Variants in DMPK observed in about 807,000 individuals in gnomAD.
The protein encoded by DMPK is DM1 protein kinase.
DMPK carries 32 observed loss-of-function variants against 70.3 expected under a neutral mutation model. That is an observed-to-expected ratio of 0.46 (90% CI 0.34 to 0.61). The LOEUF (loss-of-function observed/expected upper bound fraction) is 0.61, where lower values mean the gene tolerates loss of function less well. Ranked by LOEUF, DMPK falls within the 20% of genes least tolerant of loss-of-function variation. The pLI is 0.01. For missense variants in DMPK, 899 were observed against 886.0 expected (o/e 1.01, Z -0.19); for synonymous variants, 469 against 390.9 (o/e 1.20, Z -2.36).
Position 45,777,407 on chromosome 19 carries a change from G to C in DMPK, c.1066C>G (p.Pro356Ala). ...GLRDSVPPFT[P>A]DFEGATDTCN... ...GTGTCGGTGGCACCTTCGAAATCCG[G>C]TGTAAAGGGGGGCACGCTGTCCCGG... The change falls in exon 8 of 15, where the codon CCG becomes GCG. Residue 356 changes from proline (P) to alanine (A), a missense_variant. By Grantham distance (27) the Pro-to-Ala change is conservative. Coordinates refer to ENST00000291270, the MANE Select transcript of DMPK (RefSeq NM_004409.5). This position sits in a 1 kb window ranked among gnomAD's most constrained non-coding sequence, Gnocchi z 6.7. 1 of 1,613,082 alleles carries C rather than the reference G, an allele frequency of 6.2e-7. No homozygotes were observed. Among genetic ancestry groups the C allele is most frequent in the Middle Eastern group, 1.7e-4 (1 of 6,060 alleles).
chr19:45,772,562 C>T (rs1969526733), intron 10 of DMPK, 79 bp downstream of exon 10: 3 of 878,518 alleles, frequency 3.4e-6, no homozygotes, highest in African/African-American at 3.6e-5. Context: ...GAGGGCTCTA[C>T]AGTGCACGCC....
At chr19:45,780,006 G>A (rs746289800) in intron 1 of DMPK, 137 bp from the exon 2 acceptor site, 17 of 1,555,496 alleles carry the variant, frequency 1.1e-5, no homozygotes, top group Admixed American at 2.0e-5. Flanking sequence ...CTTCCCAGGG[G>A]CTTCCCCACA....
intron 2 of DMPK, 97 bp downstream of exon 2, chr19:45,779,681 C>T: frequency 6.5e-7 from 1 of 1,536,638 alleles, no homozygotes; most frequent in South Asian, 1.3e-5. Flanking sequence ...GCCCTAGGTT[C>T]TAAGGCTCGG....
At chr19:45,773,166 C>T (rs1476476260) in intron 9 of DMPK, among the ~76,000 whole-genome samples, 3 of 152,184 alleles carry the variant, frequency 2.0e-5, no homozygotes, top group Non-Finnish European at 2.9e-5. Context: ...GGGCATGGGA[C>T]CCCAAGATGG....
chr19:45,777,240 C>G lies in DMPK; in HGVS notation c.1146+87G>C. Reference sequence around the variant, plus strand: ...TCTGGGGAATGAGTGATTCAGGACCCCAGAAGGTAGGCACTGTCCTTACTC... The same window carrying G: ...TCTGGGGAATGAGTGATTCAGGACCGCAGAAGGTAGGCACTGTCCTTACTC... On this transcript the variant is annotated intron_variant, in intron 8 of 14. Transcript: ENST00000291270. This position sits in a 1 kb window ranked among gnomAD's most constrained non-coding sequence, Gnocchi z 6.7. 6.9e-7 allele frequency: 1 copy of G among 1,447,844 alleles called. No homozygotes were observed. The allele number at this position is 1,447,844 out of a possible 1,614,324, so 89.7% of individuals were successfully genotyped here. A position where few individuals can be genotyped will look rare whatever the true frequency, so the allele number is the denominator to read the frequency against.
rs1969694278 is a variant in DMPK at position 45,774,963 on chromosome 19, G to A, written c.1218C>T (p.Ser406=). 3.1e-6 allele frequency: 5 copies of A among 1,613,922 alleles called. No homozygotes were observed. Among genetic ancestry groups the A allele is most frequent in the Non-Finnish European group, 4.2e-6 (5 of 1,179,940 alleles). Residue 406 remains serine (S), a synonymous_variant, in exon 9 of 15, where the codon TCC becomes TCT. Coordinates refer to ENST00000291270, the MANE Select transcript of DMPK (RefSeq NM_004409.5). ...GCAGTGCTTACCTGAGGGCCATGCA[G>A]GAGTAGGAGTAGCCCACAAAAGGCA... is the stretch of plus-strand genomic sequence containing the variant. The part of the protein sequence containing the change: ...VHLPFVGYSY[S]CMALRDSEVP...
In DMPK at chr19:45,782,343, C is replaced by T. The variant is rs772259297; in HGVS notation, c.10G>A (p.Glu4Lys). The change falls in exon 1 of 15, where the codon GAG becomes AAG. Residue 4 changes from glutamate (E) to lysine (K), a missense_variant. This residue lies in a region of DMPK where 149 missense variants were observed against 142.5 expected (regional missense o/e 1.05). Coordinates refer to ENST00000291270, the MANE Select transcript of DMPK (RefSeq NM_004409.5). Reference sequence around the variant, plus strand: ...TGCTGGAGCCGCCTCAGCCGCACCTCGGCTGACATGTTGGACAGGCAGCAC... The same window carrying T: ...TGCTGGAGCCGCCTCAGCCGCACCTTGGCTGACATGTTGGACAGGCAGCAC... MSA[E>K]VRLRRLQQLV... 5.1e-6 allele frequency: 8 copies of T among 1,574,374 alleles called. No individual in the cohort carries two copies. The highest frequency in any genetic ancestry group is 2.3e-5 in the South Asian group (2 of 86,528).
rs774774759 is a variant in DMPK, at chr19:45,777,701, G to A, written c.848C>T (p.Thr283Met). ...YGQTPFYADS[T>M]AETYGKIVHY... is the part of the protein sequence containing the mutation. The stretch of plus-strand genomic sequence containing the variant: ...GACGATCTTGCCATAGGTCTCCGCC[G>A]TGGAATCCGCGTAGAAGGGCGTCTG... The change falls in exon 7 of 15, where the codon ACG becomes ATG. Residue 283 changes from threonine (T) to methionine (M), a missense_variant. Coordinates refer to ENST00000291270, the MANE Select transcript of DMPK (RefSeq NM_004409.5). The surrounding 1 kb of genome is among the most constrained non-coding windows in gnomAD (Gnocchi z 6.7). The A allele has an allele frequency of 2.5e-5, 40 of 1,613,904 alleles. No individual in the cohort carries two copies. Among genetic ancestry groups the A allele is most frequent in the South Asian group, 1.5e-4 (14 of 91,092 alleles).
At position 45,771,603 on chromosome 19, in the gene DMPK, TC is replaced by T; in HGVS notation, c.1564del (p.Glu522SerfsTer29). ...CTCTGCCTGCAGCAACTCCATCCGC[TC>T]CTGCAACTGCCGGACGTGTGCCTCT... ...DLEAHVRQLQ[E>X]RMELLQAEGA... On this transcript the variant is annotated frameshift_variant, in exon 12 of 15. Transcript: ENST00000291270. LOFTEE classifies it high-confidence loss of function. 1 of 1,613,962 alleles carries T rather than the reference TC, an allele frequency of 6.2e-7. No homozygotes were observed. Among genetic ancestry groups the T allele is most frequent in the Non-Finnish European group, 8.5e-7 (1 of 1,179,934 alleles).
At position 45,770,723 on chromosome 19, in the gene DMPK, G is replaced by A. The variant is rs990626724; in HGVS notation, c.1738-83C>T. ...TCGCCCCGCCTACGCCCATAGGTGG[G>A]CCCGCACTCTTCCCTGCGCCCCGCC... On this transcript the variant is annotated intron_variant, in intron 14 of 14. Coordinates refer to ENST00000291270, the MANE Select transcript of DMPK (RefSeq NM_004409.5). The A allele has an allele frequency of 4.2e-6, 6 of 1,445,446 alleles. No individual in the cohort carries two copies. In the African/African-American group the frequency reaches 7.1e-5, roughly 17 times the overall value. The allele number at this position is 1,445,446 out of a possible 1,614,324, so 89.5% of individuals were successfully genotyped here.
Position 45,771,792 on chromosome 19 carries a change from G to T in DMPK, c.1481C>A (p.Thr494Lys). 1 of 1,569,394 alleles carries T rather than the reference G, an allele frequency of 6.4e-7. No individual in the cohort carries two copies. The highest frequency in any genetic ancestry group is 8.6e-7 in the Non-Finnish European group (1 of 1,157,130). Reference sequence around the variant, plus strand: ...CGACCTGGCGAAGTTCTGGTTGTCCGTGCGGATGGCCTCCATCTCCCGGCT... The same window carrying T: ...CGACCTGGCGAAGTTCTGGTTGTCCTTGCGGATGGCCTCCATCTCCCGGCT... ...SLSREMEAIR[T>K]DNQNFASQLR... The change falls in exon 11 of 15, where the codon ACG becomes AAG. Residue 494 changes from threonine (T) to lysine (K), a missense_variant. Thr to Lys is a moderately conservative substitution (Grantham distance 78). This residue lies in a region of DMPK where 555 missense variants were observed against 483.8 expected (regional missense o/e 1.15). Coordinates refer to ENST00000291270, the MANE Select transcript of DMPK (RefSeq NM_004409.5).
At position 45,771,401 on chromosome 19, in the gene DMPK, AAGG is replaced by A. The variant is rs1272062673; in HGVS notation, c.1601-8_1601-6del. 8.7e-6 allele frequency: 14 copies of A among 1,607,602 alleles called. No individual in the cohort carries two copies. Among genetic ancestry groups the A allele is most frequent in the African/African-American group, 6.7e-5 (5 of 74,308 alleles). ...GACTGGGGACCCCCGTGACAGCTGG[AAGG>A]AGAAGAAAGAGGCATAGGGCGCGTG... On this transcript the variant is annotated splice_polypyrimidine_tract_variant and splice_region_variant and intron_variant, in intron 12 of 14. Coordinates refer to ENST00000291270, the MANE Select transcript of DMPK (RefSeq NM_004409.5).
chr19:45,782,117 C>A, intron 1 of DMPK, 76 bp downstream of exon 1: 1 of 582,496 alleles, frequency 1.7e-6, no homozygotes, highest in South Asian at 3.1e-5. Context: ...CCCCCAACAG[C>A]CAGGCCTCTG....
chr19:45,771,494 C>T, intron 12 of DMPK, 74 bp downstream of exon 12: 1 of 1,610,680 alleles, frequency 6.2e-7, no homozygotes, highest in South Asian at 1.1e-5. Flanking sequence ...CTCCAGGTGT[C>T]TATACACGCC....
Position 45,770,246 on chromosome 19 carries a change from G to T in DMPK, c.*242C>A, listed in dbSNP as rs1600407313. 1 of 331,466 alleles carries T rather than the reference G, an allele frequency of 3.0e-6. No individual in the cohort carries two copies. Among genetic ancestry groups the T allele is most frequent in the Non-Finnish European group, 4.4e-6 (1 of 229,294 alleles). 20.5% of individuals were successfully genotyped at this position (331,466 alleles called of 1,614,324 possible). A position where few individuals can be genotyped will look rare whatever the true frequency, so the allele number is the denominator to read the frequency against. Reference sequence around the variant, plus strand: ...AGCAGCAGCAGCAGCAGCAGCAGCAGCAGCAGCAGCAGCAGCAGCATTCCC... The same window carrying T: ...AGCAGCAGCAGCAGCAGCAGCAGCATCAGCAGCAGCAGCAGCAGCATTCCC... On this transcript the variant is annotated 3_prime_UTR_variant, in exon 15 of 15. Transcript: ENST00000291270.
At chr19:45,770,799 C>A (rs1309977430) in intron 14 of DMPK, 159 bp from the exon 15 acceptor site, 32 of 1,006,428 alleles carry the variant, frequency 3.2e-5, no homozygotes, top group Non-Finnish European at 4.6e-5. Context: ...CGCCTCGAAT[C>A]CCGTCCGAAC....
chr19:45,771,154 TTATC>T, intron 13 of DMPK, 94 bp from the exon 14 acceptor site: 1 of 1,195,720 alleles, frequency 8.4e-7, no homozygotes, highest in Non-Finnish European at 1.2e-6. Context: ...GTTGGGGAGG[TTATC>T]TAGGGAGATC....
rs1969250030 is a variant in DMPK at position 45,770,154 on chromosome 19, C to T, written c.*334G>A. 1.6e-5 allele frequency: 10 copies of T among 629,598 alleles called. 1 individual carries two copies. The highest frequency in any genetic ancestry group is 9.0e-5 in the South Asian group (5 of 55,612). The allele number at this position is 629,598 out of a possible 1,614,324, so 39.0% of individuals were successfully genotyped here. A position where few individuals can be genotyped will look rare whatever the true frequency, so the allele number is the denominator to read the frequency against. Reference sequence around the variant, plus strand: ...TTCCCAGGCCTGCAGTTTGCCCATCCACGTCAGGGCCTCAGCCTGGCCGAA... The same window carrying T: ...TTCCCAGGCCTGCAGTTTGCCCATCTACGTCAGGGCCTCAGCCTGGCCGAA... On this transcript the variant is annotated 3_prime_UTR_variant, in exon 15 of 15. Transcript: ENST00000291270.
At chr19:45,773,546 G>A (rs891413612) in intron 9 of DMPK, among the ~76,000 whole-genome samples, 6 of 152,168 alleles carry the variant, frequency 3.9e-5, no homozygotes, top group Admixed American at 3.3e-4. Context: ...GTCAGTACAC[G>A]TGTGAGCCAG....
Sources: allele counts gnomAD v4.1 joint callset (sites outside exome capture counted in the v4.1 genomes callset), GRCh38; gene constraint gnomAD v4.1.1; regional missense constraint gnomAD v4.1.1; non-coding constraint Gnocchi (gnomAD v3.1); transcripts MANE v1.5; gene names NCBI Gene and HGNC (gene_info 2026-07-23, HGNC 2026-07-21).